C10orf67: variants seen among roughly 807,000 people sequenced by gnomAD.
C10orf67 encodes the protein uncharacterized protein C10orf67, mitochondrial.
C10orf67 carries 60 observed loss-of-function variants against 35.6 expected under a neutral mutation model. That is an observed-to-expected ratio of 1.68 (90% CI 1.37 to 2.09). The LOEUF (loss-of-function observed/expected upper bound fraction) is 2.09. C10orf67 is among the 30% of genes most tolerant of loss of function. The pLI is 0.00. For missense variants in C10orf67, 474 were observed against 330.2 expected, an observed-to-expected ratio of 1.44 and a Z score of -3.38; for synonymous variants, 167 against 115.8, an observed-to-expected ratio of 1.44 and a Z score of -2.84.
At chr10:23,221,284 T>A (rs1841573784) in intron 15 of C10orf67, among the ~76,000 whole-genome samples, 1 of 152,124 alleles carries the variant, frequency 6.6e-6, no homozygotes, top group Non-Finnish European at 1.5e-5. Context: ...TCAGATCTCA[T>A]GAGAACTTAC....
chr10:23,315,466 T>C (rs1488709074), intron 4 of C10orf67, among the ~76,000 whole-genome samples: 1 of 152,166 alleles, frequency 6.6e-6, no homozygotes, highest in Non-Finnish European at 1.5e-5. Context: ...TGAGACAGGG[T>C]CTTGCTCTAT....
chr10:23,238,353 T>C (rs566997963), intron 13 of C10orf67, among the ~76,000 whole-genome samples: 6 of 152,360 alleles, frequency 3.9e-5, no homozygotes, highest in African/African-American at 1.4e-4. Flanking sequence ...CTGATGAGTA[T>C]CTCATGTGTC....
At position 23,225,393 on chromosome 10, in the gene C10orf67, C is replaced by T. The variant is rs1841707616; in HGVS notation, c.1435-1575G>A. ...AGTGCTAAACATAGAAAGGAACAACCAGTACCAGCCACTGCAAAAACATGC... is the reference window on the plus strand; with the variant it reads ...AGTGCTAAACATAGAAAGGAACAACTAGTACCAGCCACTGCAAAAACATGC... On this transcript the variant is annotated intron_variant, in intron 13 of 15. Coordinates refer to ENST00000636213, the MANE Select transcript of C10orf67 (RefSeq NM_001371909.1). Among the ~76,000 whole-genome samples, 5 of 152,244 alleles carry T rather than the reference C, an allele frequency of 3.3e-5. No individual in the cohort carries two copies. The South Asian group carries it at 1.0e-3, about 32-fold the overall frequency.
chr10:23,242,476 A>G (rs1273152205), intron 12 of C10orf67, among the ~76,000 whole-genome samples: 1 of 152,248 alleles, frequency 6.6e-6, no homozygotes, highest in Non-Finnish European at 1.5e-5. Flanking sequence ...ATTTCAGATG[A>G]AAACACAATA....
intron 13 of C10orf67, among the ~76,000 whole-genome samples, chr10:23,234,684 T>G (rs1841997943): frequency 6.6e-6 from 1 of 151,228 alleles, no homozygotes; most frequent in Admixed American, 6.6e-5. Context: ...CAAATATAAG[T>G]TAAATAATGA....
At chr10:23,268,485 A>G (rs139049541) in intron 8 of C10orf67, among the ~76,000 whole-genome samples, 3 of 152,314 alleles carry the variant, frequency 2.0e-5, no homozygotes, top group African/African-American at 7.2e-5. Flanking sequence ...CATTAATCTC[A>G]TTGGCATCTG....
chr10:23,317,885 G>A (rs1844788808), intron 4 of C10orf67: 1 of 151,628 alleles, frequency 6.6e-6, no homozygotes, highest in Non-Finnish European at 1.5e-5. Context: ...ATTACTTGAG[G>A]ACAGGAGTTC....
intron 13 of C10orf67, among the ~76,000 whole-genome samples, chr10:23,228,547 A>G (rs1277455041): frequency 2.0e-5 from 3 of 152,214 alleles, no homozygotes; most frequent in Non-Finnish European, 4.4e-5. Flanking sequence ...TTCATCTCTA[A>G]AACACCAAAA....
chr10:23,207,846 G>A (rs1057213804), intron 15 of C10orf67, among the ~76,000 whole-genome samples: 5 of 152,176 alleles, frequency 3.3e-5, no homozygotes, highest in African/African-American at 1.2e-4. Flanking sequence ...GATCATTGGT[G>A]AAACGGCACC....
chr10:23,287,231 C>G (rs1843570688), intron 7 of C10orf67, among the ~76,000 whole-genome samples: 1 of 152,162 alleles, frequency 6.6e-6, no homozygotes, highest in Non-Finnish European at 1.5e-5. Context: ...AACTATACTA[C>G]AAGGTTACAG....
chr10:23,253,209 G>A (rs968471472), intron 10 of C10orf67, among the ~76,000 whole-genome samples: 1 of 152,190 alleles, frequency 6.6e-6, no homozygotes, highest in Non-Finnish European at 1.5e-5. Flanking sequence ...GACAGGGCCT[G>A]GAATTTGAGA....
Position 23,291,369 on chromosome 10 carries a change from A to G in C10orf67, c.703-90T>C. 8 of 613,352 alleles carry G rather than the reference A, an allele frequency of 1.3e-5. No homozygotes were observed. In the South Asian group the frequency reaches 1.7e-4, roughly 13 times the overall value. The allele number at this position is 613,352 out of a possible 1,614,324, so 38.0% of individuals were successfully genotyped here. On this transcript the variant is annotated intron_variant, in intron 5 of 15. Coordinates refer to ENST00000636213, the MANE Select transcript of C10orf67 (RefSeq NM_001371909.1). The stretch of plus-strand genomic sequence containing the variant: ...ACAATACAGATACAGAAAAGCTATC[A>G]TATAATTTTCTGAATTCTATTACAC...
At chr10:23,224,200 C>A (rs1395582797) in intron 13 of C10orf67, among the ~76,000 whole-genome samples, 1 of 152,180 alleles carries the variant, frequency 6.6e-6, no homozygotes, top group African/African-American at 2.4e-5. Context: ...AACGATCAGG[C>A]AGTAACATTT....
chr10:23,294,982 C>A (rs149663614), intron 5 of C10orf67, among the ~76,000 whole-genome samples: 18 of 152,308 alleles, frequency 1.2e-4, no homozygotes, highest in African/African-American at 3.6e-4. Flanking sequence ...GCCTTTGTGG[C>A]ATTCATGTCT....
At chr10:23,220,489 G>T (rs1176950059) in intron 15 of C10orf67, among the ~76,000 whole-genome samples, 1 of 152,132 alleles carries the variant, frequency 6.6e-6, no homozygotes, top group East Asian at 1.9e-4. Context: ...CAAAGCCCAG[G>T]TTAGCTCTGT....
intron 13 of C10orf67, among the ~76,000 whole-genome samples, chr10:23,224,760 A>T (rs2132109412): frequency 6.6e-6 from 1 of 152,324 alleles, no homozygotes; most frequent in East Asian, 1.9e-4. Context: ...ATTCGATCAA[A>T]TGGAAGAAAA....
At chr10:23,295,139 C>G (rs538745881) in intron 5 of C10orf67, among the ~76,000 whole-genome samples, 4 of 152,198 alleles carry the variant, frequency 2.6e-5, no homozygotes, top group African/African-American at 9.6e-5. Flanking sequence ...AATCACCTCA[C>G]CTTCCTCAAA....
intron 8 of C10orf67, among the ~76,000 whole-genome samples, chr10:23,271,698 A>G (rs1482017013): frequency 2.0e-5 from 3 of 152,202 alleles, no homozygotes; most frequent in African/African-American, 4.8e-5. Context: ...TTTTTATGTC[A>G]TCATTTGCCA....
chr10:23,240,328 A>G (rs1257099706), intron 12 of C10orf67, among the ~76,000 whole-genome samples: 1 of 152,198 alleles, frequency 6.6e-6, no homozygotes, highest in Non-Finnish European at 1.5e-5. Context: ...TTCTCACCAA[A>G]ATAATTCAGG....
Sources: gnomAD v4.1 joint callset for allele counts (sites outside exome capture counted in the v4.1 genomes callset) on GRCh38, gnomAD v4.1.1 for gene constraint, MANE v1.5 for transcripts, NCBI Gene and HGNC (gene_info 2026-07-23, HGNC 2026-07-21) for gene names.